Variants in HPS1 observed in about 807,000 individuals in gnomAD.
HPS1 encodes BLOC-3 complex member HPS1.
HPS1 carries 59 observed loss-of-function variants against 90.6 expected under a neutral mutation model. The observed-to-expected ratio is 0.65, with a 90% CI of 0.53 to 0.81. HPS1 has a LOEUF of 0.81. Among genes scored for constraint, HPS1 ranks in the 30% least tolerant of loss-of-function variants. The pLI is 0.00. For missense variants in HPS1, 849 were observed against 896.7 expected (o/e 0.95, Z 0.68); for synonymous variants, 388 against 384.4 (o/e 1.01, Z -0.11).
In HPS1 at chr10:98,427,765, A is replaced by G. The variant is rs573886355; in HGVS notation, c.938-501T>C. Among the ~76,000 whole-genome samples the G allele has an allele frequency of 9.2e-5, 14 of 152,328 alleles. No individual in the cohort carries two copies. The East Asian group carries it at 2.7e-3, about 29-fold the overall frequency. ...GGATTTCCTTCCTAATATAACGCAC[A>G]AAAACCTACTGAACCCACCACATAT... On this transcript the variant is annotated intron_variant, in intron 10 of 19. Transcript: ENST00000361490.
chr10:98,430,210 C>G (rs757095825), intron 8 of HPS1, among the ~76,000 whole-genome samples: 6 of 152,196 alleles, frequency 3.9e-5, no homozygotes, highest in Non-Finnish European at 5.9e-5. Context: ...GGGAACCACC[C>G]CTTTTGTCCC....
At position 98,425,712 on chromosome 10, in the gene HPS1, G is replaced by A. The variant is rs747305546; in HGVS notation, c.1164C>T (p.Ser388=). Residue 388 remains serine (S), a synonymous_variant, in exon 13 of 20, where the codon AGC becomes AGT. Transcript: ENST00000361490. ...INLVLLTRSP[S]APLALVLSQL... is the part of the protein sequence containing the mutation. ...GGGACAGAACCAGGGCCAGGGGCGC[G>A]CTGGGGCTCTGAGGGTAAGGGCCGA... 26 of 1,609,326 alleles carry A rather than the reference G, an allele frequency of 1.6e-5. No individual in the cohort carries two copies. The highest frequency in any genetic ancestry group is 2.2e-5 in the East Asian group (1 of 44,776).
At chr10:98,440,616 G>A (rs1235764808) in intron 3 of HPS1, among the ~76,000 whole-genome samples, 1 of 151,832 alleles carries the variant, frequency 6.6e-6, no homozygotes, top group African/African-American at 2.4e-5. Context: ...AAAGCTAATA[G>A]CTCTGGGTCA....
intron 3 of HPS1, among the ~76,000 whole-genome samples, chr10:98,440,478 C>T (rs939509026): frequency 6.6e-6 from 1 of 151,232 alleles, no homozygotes; most frequent in South Asian, 2.1e-4. Flanking sequence ...GCTTCTGAGA[C>T]TATTTAAAAA....
intron 8 of HPS1, among the ~76,000 whole-genome samples, 191 bp downstream of exon 8, chr10:98,430,380 T>C (rs1364366237): frequency 1.3e-5 from 2 of 152,142 alleles, no homozygotes; most frequent in Non-Finnish European, 2.9e-5. Context: ...TTTAACCCAC[T>C]GGACCATGTG....
In HPS1 at chr10:98,430,527, A is replaced by G. The variant is rs891808722; in HGVS notation, c.768+44T>C. The G allele has an allele frequency of 1.0e-5, 15 of 1,470,778 alleles. No homozygotes were observed. The Admixed American group carries it at 1.8e-4, about 17-fold the overall frequency. The allele number at this position is 1,470,778 out of a possible 1,614,324, so 91.1% of individuals were successfully genotyped here. ...CATCTTCAGGCAGGTTTTCTGAACT[A>G]CCTCCCTAATGGCCTCCCTCTGCCC... On this transcript the variant is annotated intron_variant, in intron 8 of 19. Transcript: ENST00000361490.
chr10:98,419,713 C>T (rs886108397), intron 18 of HPS1, among the ~76,000 whole-genome samples: 2 of 152,210 alleles, frequency 1.3e-5, no homozygotes, highest in African/African-American at 2.4e-5. Flanking sequence ...TGGCATGTGA[C>T]GCTGGCGACA....
At chr10:98,440,404 T>C (rs1434082755) in intron 3 of HPS1, among the ~76,000 whole-genome samples, 1 of 151,912 alleles carries the variant, frequency 6.6e-6, no homozygotes, top group East Asian at 1.9e-4. Context: ...ATGAGGAAAA[T>C]GGTTAAATAA....
rs1301529367 is a variant in HPS1, at chr10:98,420,092, C to T, written c.1810G>A (p.Glu604Lys). ...AAGTAGGAGCAGTAGAAATCCCCCT[C>T]CTGGAACAGCAGCGTGGTGTAGCCC... ...QKGYTTLLFQEGDFYCSYFLW... is the reference protein window; with the variant it reads ...QKGYTTLLFQKGDFYCSYFLW... Residue 604 changes from glutamate (E) to lysine (K), a missense_variant, in exon 18 of 20, where the codon GAG (glutamate) becomes AAG (lysine). Coordinates refer to ENST00000361490, the MANE Select transcript of HPS1 (RefSeq NM_000195.5). 2.5e-6 allele frequency: 4 copies of T among 1,614,054 alleles called. No homozygotes were observed. Among genetic ancestry groups the T allele is most frequent in the Admixed American group, 3.3e-5 (2 of 60,004 alleles).
Position 98,419,975 on chromosome 10 carries a change from A to T in HPS1, c.1857+70T>A. On this transcript the variant is annotated intron_variant, in intron 18 of 19. Coordinates refer to ENST00000361490, the MANE Select transcript of HPS1 (RefSeq NM_000195.5). ...ACAGACAGACAACAATTCAGAAGAA[A>T]GGAATCCAAGAGTTACAGAGCGGGA... 3 of 981,918 alleles carry T rather than the reference A, an allele frequency of 3.1e-6. No individual in the cohort carries two copies. The South Asian group carries it at 3.8e-5, about 13-fold the overall frequency. The allele number at this position is 981,918 out of a possible 1,614,324, so 60.8% of individuals were successfully genotyped here. A position where few individuals can be genotyped will look rare whatever the true frequency, so the allele number is the denominator to read the frequency against.
At chr10:98,432,699 T>A (rs1278222482) in intron 6 of HPS1, among the ~76,000 whole-genome samples, 1 of 152,264 alleles carries the variant, frequency 6.6e-6, no homozygotes, top group Non-Finnish European at 1.5e-5. Flanking sequence ...TTTTAAATAT[T>A]TCATAGTTAT....
downstream of HPS1, chr10:98,415,293 CCTCCT>C: frequency 2.0e-6 from 2 of 1,011,436 alleles, no homozygotes; most frequent in Non-Finnish European, 2.8e-6. Context: ...CACAGGCCAG[CCTCCT>C]GCTGCCCTGG....
intron 3 of HPS1, chr10:98,442,558 T>G (rs1938626807): frequency 6.5e-6 from 1 of 154,172 alleles, no homozygotes; most frequent in South Asian, 2.0e-4. Flanking sequence ...CAGGTTGGAA[T>G]GCATGGGCAC....
intron 17 of HPS1, among the ~76,000 whole-genome samples, chr10:98,421,054 T>C (rs1844787940): frequency 6.6e-6 from 1 of 152,192 alleles, no homozygotes; most frequent in Non-Finnish European, 1.5e-5. Context: ...GCCGGTGAAG[T>C]GCCCCAGGGA....
At chr10:98,414,477 C>T (rs1280051824), downstream of HPS1, among the ~76,000 whole-genome samples, 1 of 152,278 alleles carries the variant, frequency 6.6e-6, no homozygotes, top group African/African-American at 2.4e-5. Flanking sequence ...TCTGCAGACA[C>T]GCAGTAGGAA....
At chr10:98,436,584 A>G (rs1242337910) in intron 3 of HPS1, among the ~76,000 whole-genome samples, 1 of 152,236 alleles carries the variant, frequency 6.6e-6, no homozygotes, top group Non-Finnish European at 1.5e-5. Flanking sequence ...CAGCTCTCCA[A>G]AAGAAGGAAC....
In HPS1 at chr10:98,435,763, G is replaced by A; in HGVS notation, c.127C>T (p.Leu43=). Reference sequence around the variant, plus strand: ...AGGAGGGTGCTGAGCTGGTCCTCCAGGGCAGGGAGCTGCAAAAATGGGGGA... The same window carrying A: ...AGGAGGGTGCTGAGCTGGTCCTCCAAGGCAGGGAGCTGCAAAAATGGGGGA... ...SENEEEELPA[L]EDQLSTLLAP... is the part of the protein sequence containing the mutation. The change falls in exon 4 of 20, where the codon CTG becomes TTG. Residue 43 remains leucine, a synonymous_variant. Coordinates refer to ENST00000361490, the MANE Select transcript of HPS1 (RefSeq NM_000195.5). This position sits in a 1 kb window ranked among gnomAD's most constrained non-coding sequence, Gnocchi z 4.3. 1 of 1,614,218 alleles carries A rather than the reference G, an allele frequency of 6.2e-7. No individual in the cohort carries two copies. Among genetic ancestry groups the A allele is most frequent in the Non-Finnish European group, 8.5e-7 (1 of 1,180,032 alleles).
chr10:98,431,045 G>A (rs989047796), intron 7 of HPS1, 86 bp downstream of exon 7: 1 of 1,390,036 alleles, frequency 7.2e-7, no homozygotes, highest in African/African-American at 1.4e-5. Context: ...TCTTGGCTGG[G>A]CAGGTGGTGC....
At position 98,426,123 on chromosome 10, in the gene HPS1, G is replaced by A. The variant is rs547668728; in HGVS notation, c.988-138C>T. On this transcript the variant is annotated intron_variant, in intron 11 of 19. Transcript: ENST00000361490. ...AGTTTTTAAATTCCTGCACTCTGCTGAACCTGCCCTCGCAGCTCCAGTTTC... is the reference window on the plus strand; with the variant it reads ...AGTTTTTAAATTCCTGCACTCTGCTAAACCTGCCCTCGCAGCTCCAGTTTC... 3.3e-4 allele frequency: 244 copies of A among 735,618 alleles called. 4 individuals are homozygous for A. The South Asian group carries it at 4.2e-3, about 13-fold the overall frequency. 45.6% of individuals were successfully genotyped at this position (735,618 alleles called of 1,614,324 possible).
Sources: allele counts gnomAD v4.1 joint callset (sites outside exome capture counted in the v4.1 genomes callset), GRCh38; gene constraint gnomAD v4.1.1; non-coding constraint Gnocchi (gnomAD v3.1); transcripts MANE v1.5; gene names NCBI Gene and HGNC (gene_info 2026-07-23, HGNC 2026-07-21).